The following PLEKHM1 variants were observed in gnomAD, a reference collection of about 807,000 sequenced individuals.
The protein encoded by PLEKHM1 is pleckstrin homology domain-containing family M member 1.
A neutral mutation model predicts 94.3 loss-of-function variants in PLEKHM1; 28 were observed. That is an observed-to-expected ratio of 0.30 (90% CI 0.22 to 0.41). The LOEUF is 0.41. Among genes scored for constraint, PLEKHM1 ranks in the 10% least tolerant of loss-of-function variants. The pLI is 1.00. For missense variants in PLEKHM1, 907 were observed against 1,358.6 expected (o/e 0.67, Z 5.22); for synonymous variants, 424 against 581.2 (o/e 0.73, Z 3.89).
chr17:45,459,829 GCTGT>G (rs762974704), intron 5 of PLEKHM1: 3 of 136,126 alleles, frequency 2.2e-5, no homozygotes, highest in Non-Finnish European at 4.9e-5. Context: ...TTAAAATGGG[GCTGT>G]CTTTTTGTTG....
rs1409983499 is a variant in PLEKHM1 at position 45,479,268 on chromosome 17, C to A, written c.49-1121G>T. On this transcript the variant is annotated intron_variant, in intron 2 of 11. Coordinates refer to ENST00000430334, the MANE Select transcript of PLEKHM1 (RefSeq NM_014798.3). ...GGCACGGTGGCTCACGCCTGTAACC[C>A]CAGCACTTTGGGAGGCCGAGGTGGG... Among the ~76,000 whole-genome samples the A allele has an allele frequency of 3.3e-5, 5 of 152,144 alleles. No homozygotes were observed. In the South Asian group the frequency reaches 6.2e-4, roughly 19 times the overall value.
intron 4 of PLEKHM1, among the ~76,000 whole-genome samples, chr17:45,468,918 G>A (rs1428070705): frequency 6.6e-6 from 1 of 151,988 alleles, no homozygotes; most frequent in Non-Finnish European, 1.5e-5. Flanking sequence ...TGGGCCTGGA[G>A]AGCTTGCTCA....
chr17:45,479,199 C>T (rs1026777230), intron 2 of PLEKHM1, among the ~76,000 whole-genome samples: 3 of 151,934 alleles, frequency 2.0e-5, no homozygotes, highest in African/African-American at 7.3e-5. Context: ...CATGATGAAA[C>T]CCTGTCTCTA....
In PLEKHM1 at chr17:45,440,193, C is replaced by T. The variant is rs898595293; in HGVS notation, c.2871G>A (p.Pro957=). 5.0e-6 allele frequency: 8 copies of T among 1,614,158 alleles called. No homozygotes were observed. The South Asian group carries it at 5.5e-5, about 11-fold the overall frequency. ...LNHRNYLLES[P]HRFSVADLQQ... is the part of the protein sequence containing the mutation. Reference sequence around the variant, plus strand: ...GGAGGTCAGCAACACTGAACCTATGCGGAGATTCCAAGAGATAATTCCTGT... The same window carrying T: ...GGAGGTCAGCAACACTGAACCTATGTGGAGATTCCAAGAGATAATTCCTGT... The change falls in exon 10 of 12, where the codon CCG becomes CCA. Residue 957 remains proline (P), a synonymous_variant. Coordinates refer to ENST00000430334, the MANE Select transcript of PLEKHM1 (RefSeq NM_014798.3).
chr17:45,482,380 T>C, intron 2 of PLEKHM1, 57 bp downstream of exon 2: 2 of 550,280 alleles, frequency 3.6e-6, no homozygotes, highest in Admixed American at 2.7e-5. Flanking sequence ...GCCAAGCCGA[T>C]GATACAACTG....
chr17:45,453,358 C>T lies in PLEKHM1; in HGVS notation c.2494G>A (p.Ala832Thr), dbSNP rs755782761. Reference protein sequence around the residue: ...KGLDSQGCFCAGCSRQIGFSF... With the variant: ...KGLDSQGCFCTGCSRQIGFSF... ...TGGCAGCAGAGCAAATCGGCACCTG[C>T]GCAGAAGCAGCCTTGGGAGTCAAGG... Residue 832 changes from alanine to threonine, a missense_variant, in exon 7 of 12, where the codon GCA becomes ACA. Ala to Thr is a moderately conservative substitution (Grantham distance 58). This residue lies in a region of PLEKHM1 where 254 missense variants were observed against 451.1 expected (regional missense o/e 0.56). Transcript: ENST00000430334. The surrounding 1 kb of genome is among the most constrained non-coding windows in gnomAD (Gnocchi z 4.1). 5.6e-6 allele frequency: 9 copies of T among 1,612,610 alleles called. No individual in the cohort carries two copies. The African/African-American group carries it at 6.7e-5, about 12-fold the overall frequency.
At chr17:45,446,272 A>G (rs2050602986) in intron 8 of PLEKHM1, 1 of 155,024 alleles carries the variant, frequency 6.5e-6, no homozygotes, top group South Asian at 2.0e-4. Flanking sequence ...ACCAATGCCA[A>G]TAATCGAGCG....
chr17:45,465,551 A>T (rs1377508897), intron 5 of PLEKHM1, among the ~76,000 whole-genome samples: 1 of 151,892 alleles, frequency 6.6e-6, no homozygotes, highest in Non-Finnish European at 1.5e-5. Context: ...ATTTTGTAAA[A>T]ATACAAAAAT....
chr17:45,454,300 T>C, intron 6 of PLEKHM1, 28 bp from the exon 7 acceptor site: 1 of 1,562,774 alleles, frequency 6.4e-7, no homozygotes, highest in South Asian at 1.2e-5. Context: ...AAGGGGCACA[T>C]TAGTTGGCGG....
chr17:45,442,095 G>A (rs2050466222), intron 9 of PLEKHM1, among the ~76,000 whole-genome samples: 1 of 152,152 alleles, frequency 6.6e-6, no homozygotes, highest in Admixed American at 6.5e-5. Context: ...GACAGGGTGT[G>A]GGGCATTTCT....
intron 9 of PLEKHM1, 111 bp from the exon 10 acceptor site, chr17:45,440,337 TGGGCGG>T (rs2050410204): frequency 9.2e-7 from 1 of 1,088,840 alleles, no homozygotes; most frequent in Non-Finnish European, 1.4e-6. Context: ...ACCCCCCGCC[TGGGCGG>T]GGCAGGGGCT....
At position 45,475,561 on chromosome 17, in the gene PLEKHM1, C is replaced by T; in HGVS notation, c.462G>A (p.Leu154=). The T allele has an allele frequency of 3.1e-6, 5 of 1,613,456 alleles. No individual in the cohort carries two copies. Among genetic ancestry groups the T allele is most frequent in the Non-Finnish European group, 4.2e-6 (5 of 1,179,392 alleles). Reference sequence around the variant, plus strand: ...ACTCGCCCTCCTCAGCATCCCGGAGCAGGGCGGTGGGCTGGTAGTACTCAT... The same window carrying T: ...ACTCGCCCTCCTCAGCATCCCGGAGTAGGGCGGTGGGCTGGTAGTACTCAT... ...RLHEYYQPTA[L]LRDAEEGEFL... The change falls in exon 4 of 12, where the codon CTG becomes CTA. Residue 154 remains leucine (L), a synonymous_variant. Coordinates refer to ENST00000430334, the MANE Select transcript of PLEKHM1 (RefSeq NM_014798.3).
At chr17:45,449,933 C>A (rs1334324684) in intron 8 of PLEKHM1, among the ~76,000 whole-genome samples, 5 of 151,428 alleles carry the variant, frequency 3.3e-5, no homozygotes, top group African/African-American at 1.2e-4. Flanking sequence ...TGCCCATCCA[C>A]CCATCCACCT....
At chr17:45,443,382 G>A (rs1049178066) in intron 9 of PLEKHM1, among the ~76,000 whole-genome samples, 14 of 152,254 alleles carry the variant, frequency 9.2e-5, no homozygotes, top group Non-Finnish European at 1.3e-4. Context: ...AGCTGGACCC[G>A]GAGAAGTGAA....
intron 1 of PLEKHM1, among the ~76,000 whole-genome samples, chr17:45,486,870 G>C (rs1336203473): frequency 2.6e-5 from 4 of 152,182 alleles, no homozygotes; most frequent in African/African-American, 9.7e-5. Context: ...AACTCACGGC[G>C]GGAATCAGAA....
chr17:45,452,403 G>T (rs1079432), intron 7 of PLEKHM1, among the ~76,000 whole-genome samples: 16,821 of 137,944 alleles, frequency 0.12, 1,341 homozygotes, highest in Middle Eastern at 0.21. Flanking sequence ...GAGCAACAGG[G>T]GGAGACCCCA....
chr17:45,452,791 T>C (rs187527097), intron 7 of PLEKHM1: 247 of 168,584 alleles, frequency 1.5e-3, no homozygotes, highest in African/African-American at 5.4e-3. Context: ...TAAATGCAAA[T>C]GAATTTAAAT....
intron 7 of PLEKHM1, among the ~76,000 whole-genome samples, chr17:45,451,123 C>A (rs1311671036): frequency 6.6e-6 from 1 of 151,944 alleles, no homozygotes; most frequent in African/African-American, 2.4e-5. Flanking sequence ...GGTGTCCCCA[C>A]TGCTGGCTTG....
Position 45,484,845 on chromosome 17 carries a change from G to A in PLEKHM1, c.-41-2320C>T, listed in dbSNP as rs548587391. Reference sequence around the variant, plus strand: ...AGGTTTCCTGGACAGCCCTGGAGCAGCATGAGGTTTGGAAAGCAGACAGGC... The same window carrying A: ...AGGTTTCCTGGACAGCCCTGGAGCAACATGAGGTTTGGAAAGCAGACAGGC... On this transcript the variant is annotated intron_variant, in intron 1 of 11. Transcript: ENST00000430334. Among the ~76,000 whole-genome samples the A allele has an allele frequency of 2.6e-4, 39 of 151,788 alleles. 1 individual carries two copies. In the South Asian group the frequency reaches 7.3e-3, roughly 28 times the overall value.
Sources: gnomAD v4.1 joint callset for allele counts (sites outside exome capture counted in the v4.1 genomes callset) on GRCh38, gnomAD v4.1.1 for gene constraint, gnomAD v4.1.1 regional missense constraint, Gnocchi (gnomAD v3.1) non-coding constraint, MANE v1.5 for transcripts, NCBI Gene and HGNC (gene_info 2026-07-23, HGNC 2026-07-21) for gene names.